The following FOCAD variants were observed in gnomAD, a reference collection of about 807,000 sequenced individuals.
FOCAD encodes the protein KIAA1797.
FOCAD carries 198 observed loss-of-function variants against 225.6 expected under a neutral mutation model. That is an observed-to-expected ratio of 0.88 (90% CI 0.78 to 0.99). The LOEUF is 0.99. Among genes scored for constraint, FOCAD ranks in the 50% least tolerant of loss-of-function variants. The pLI is 0.00. For synonymous variants in FOCAD, 897 were observed against 755.0 expected (o/e 1.19, Z -3.08); for missense variants, 2,713 against 2,123.6 (o/e 1.28, Z -5.46).
chr9:20,974,332 T>C (rs1436792421), intron 35 of FOCAD, among the ~76,000 whole-genome samples: 1 of 126,308 alleles, frequency 7.9e-6, no homozygotes, highest in East Asian at 2.6e-4. Flanking sequence ...CTTTGTCCTA[T>C]GTTTGTCCTT....
intron 15 of FOCAD, among the ~76,000 whole-genome samples, chr9:20,833,619 A>G (rs1354088456): frequency 6.6e-6 from 1 of 152,068 alleles, no homozygotes; most frequent in African/African-American, 2.4e-5. Context: ...ATAGATTTAC[A>G]TCATCTGCCT....
chr9:20,902,658 T>C (rs1832651437), intron 21 of FOCAD, among the ~76,000 whole-genome samples: 2 of 151,876 alleles, frequency 1.3e-5, no homozygotes, highest in Non-Finnish European at 2.9e-5. Context: ...TACTAGATCA[T>C]AGTAATCTAG....
intron 21 of FOCAD, among the ~76,000 whole-genome samples, chr9:20,904,124 T>A (rs1163123663): frequency 6.6e-6 from 1 of 152,054 alleles, no homozygotes; most frequent in Non-Finnish European, 1.5e-5. Flanking sequence ...TTTCATTATA[T>A]GCATATTACA....
chr9:20,771,990 A>G (rs1818284022), intron 8 of FOCAD, among the ~76,000 whole-genome samples: 1 of 152,156 alleles, frequency 6.6e-6, no homozygotes, highest in African/African-American at 2.4e-5. Flanking sequence ...CCTTACTCCA[A>G]ATACAGTCAC....
Position 20,995,710 on chromosome 9 carries a change from C to A in FOCAD, c.*81C>A. The stretch of plus-strand genomic sequence containing the variant: ...GGAAGAAGTTTTTCAGAATTCATGC[C>A]TGGTATTGCTGAGACATGATGCAGA... On this transcript the variant is annotated 3_prime_UTR_variant, in exon 44 of 44. Transcript: ENST00000338382. 1 of 1,243,976 alleles carries A rather than the reference C, an allele frequency of 8.0e-7. No homozygotes were observed. The highest frequency in any genetic ancestry group is 1.2e-6 in the Non-Finnish European group (1 of 853,962). The allele number at this position is 1,243,976 out of a possible 1,614,324, so 77.1% of individuals were successfully genotyped here. A position where few individuals can be genotyped will look rare whatever the true frequency, so the allele number is the denominator to read the frequency against.
chr9:20,805,001 C>G (rs897657289), intron 11 of FOCAD, among the ~76,000 whole-genome samples: 4 of 152,164 alleles, frequency 2.6e-5, no homozygotes, highest in African/African-American at 4.8e-5. Flanking sequence ...CCTATTAGGA[C>G]CGCACTTTAT....
chr9:20,680,626 A>G (rs1246100686), upstream of FOCAD, among the ~76,000 whole-genome samples: 2 of 152,152 alleles, frequency 1.3e-5, no homozygotes, highest in African/African-American at 2.4e-5. Context: ...ATGCAGTAGA[A>G]AGAGGATAGG....
intron 8 of FOCAD, among the ~76,000 whole-genome samples, chr9:20,773,775 T>C (rs1188525657): frequency 1.3e-5 from 2 of 152,150 alleles, no homozygotes; most frequent in Admixed American, 6.5e-5. Flanking sequence ...CCACTTTTCT[T>C]CCCTGCAGTT....
chr9:20,956,068 G>T (rs545095241), intron 35 of FOCAD, among the ~76,000 whole-genome samples: 2 of 152,118 alleles, frequency 1.3e-5, no homozygotes, highest in African/African-American at 2.4e-5. Context: ...ATTATGAATG[G>T]CTTTCTTTCT....
intron 1 of FOCAD, among the ~76,000 whole-genome samples, chr9:20,695,063 TG>T (rs1475622701): frequency 6.6e-6 from 1 of 152,248 alleles, no homozygotes; most frequent in Admixed American, 6.5e-5. Context: ...TCCTGTAAAG[TG>T]TCCCAGATTC....
intron 37 of FOCAD, 128 bp from the exon 38 acceptor site, chr9:20,981,298 G>A: frequency 9.2e-7 from 1 of 1,089,182 alleles, no homozygotes; most frequent in African/African-American, 1.6e-5. Context: ...GAAAATGAAG[G>A]GGGAAGGAAG....
chr9:20,717,719 A>G, intron 2 of FOCAD, 75 bp from the exon 3 acceptor site: 2 of 1,114,592 alleles, frequency 1.8e-6, no homozygotes, highest in Non-Finnish European at 2.6e-6. Context: ...TGCCTGGCAT[A>G]CTCATATCAA....
chr9:20,808,008 G>A (rs774193689), intron 11 of FOCAD, among the ~76,000 whole-genome samples: 8 of 151,756 alleles, frequency 5.3e-5, no homozygotes, highest in African/African-American at 9.7e-5. Context: ...CTGAGATGGC[G>A]CCACTGTATT....
At chr9:20,994,398 G>C (rs1841908770) in intron 43 of FOCAD, among the ~76,000 whole-genome samples, 1 of 152,194 alleles carries the variant, frequency 6.6e-6, no homozygotes, top group African/African-American at 2.4e-5. Context: ...GAGCCTGCCA[G>C]CAGCTGCCAC....
Position 20,956,876 on chromosome 9 carries a change from TAG to T in FOCAD, c.4132+3815_4132+3816del, listed in dbSNP as rs1435104563. ...CCTGGCTAATTTTTTGTATTTTTAG[TAG>T]AGACGGGACTTCTCCGTGGTGGTCA... On this transcript the variant is annotated intron_variant, in intron 35 of 43. Coordinates refer to ENST00000338382, the MANE Select transcript of FOCAD (RefSeq NM_001375567.1). 2.0e-5 allele frequency among the ~76,000 whole-genome samples: 3 copies of T among 152,188 alleles called. No individual in the cohort carries two copies. In the East Asian group the frequency reaches 5.8e-4, roughly 29 times the overall value.
At chr9:20,720,846 G>C (rs535282928) in intron 4 of FOCAD, among the ~76,000 whole-genome samples, 1 of 152,310 alleles carries the variant, frequency 6.6e-6, no homozygotes, top group South Asian at 2.1e-4. Flanking sequence ...TTTTAAGAAA[G>C]AAGGTTGTCC....
chr9:20,815,137 G>GTTTTTTTTTGTTTTTTTT (rs1823565046), intron 11 of FOCAD, among the ~76,000 whole-genome samples: 68 of 69,138 alleles, frequency 9.8e-4, no homozygotes, highest in African/African-American at 3.9e-3. Flanking sequence ...TTTTTTTTTT[G>GTTTTTTTTTGTTTTTTTT]TTTTTTTTTT....
intron 15 of FOCAD, among the ~76,000 whole-genome samples, chr9:20,856,547 C>T (rs770294944): frequency 5.3e-5 from 8 of 151,888 alleles, no homozygotes; most frequent in African/African-American, 1.7e-4. Context: ...GTTGTCTCCT[C>T]GCTTTGTTGA....
chr9:20,797,663 C>A (rs1016914280), intron 11 of FOCAD, among the ~76,000 whole-genome samples: 8 of 152,004 alleles, frequency 5.3e-5, no homozygotes, highest in Non-Finnish European at 8.8e-5. Context: ...ATTGATTTTG[C>A]AAAATCATTG....
Sources: allele counts gnomAD v4.1 joint callset (sites outside exome capture counted in the v4.1 genomes callset), GRCh38; gene constraint gnomAD v4.1.1; transcripts MANE v1.5; gene names NCBI Gene and HGNC (gene_info 2026-07-23, HGNC 2026-07-21).